The following GARRE1 variants were observed in gnomAD, a reference collection of about 807,000 sequenced individuals.
GARRE1 encodes the protein granule associated Rac and RHOG effector protein 1.
GARRE1 carries 49 observed loss-of-function variants against 103.2 expected under a neutral mutation model. The ratio of observed to expected loss-of-function variants is 0.47; its 90% CI spans 0.38 to 0.60. The LOEUF (loss-of-function observed/expected upper bound fraction) is 0.60. Among genes scored for constraint, GARRE1 ranks in the 20% least tolerant of loss-of-function variants. The pLI is 0.00. For synonymous variants in GARRE1, 505 were observed against 532.8 expected, an observed-to-expected ratio of 0.95 and a Z score of 0.72; for missense variants, 1,199 against 1,370.5, an observed-to-expected ratio of 0.87 and a Z score of 1.98.
intron 7 of GARRE1, among the ~76,000 whole-genome samples, chr19:34,331,972 T>C (rs935352677): frequency 2.0e-5 from 3 of 148,508 alleles, no homozygotes; most frequent in Non-Finnish European, 4.4e-5. Flanking sequence ...GCCTGGGTCA[T>C]AGAGTAAGAT....
chr19:34,269,888 T>A (rs2073776185), intron 1 of GARRE1, among the ~76,000 whole-genome samples: 1 of 152,242 alleles, frequency 6.6e-6, no homozygotes, highest in Non-Finnish European at 1.5e-5. Flanking sequence ...GCCATTTCTG[T>A]AGAATAGGCT....
At chr19:34,305,451 G>A (rs540182433) in intron 2 of GARRE1, among the ~76,000 whole-genome samples, 2 of 152,294 alleles carry the variant, frequency 1.3e-5, no homozygotes, top group Non-Finnish European at 2.9e-5. Context: ...ATGACATAGC[G>A]CTCTTAGCTT....
At chr19:34,260,498 C>T (rs908993679) in intron 1 of GARRE1, among the ~76,000 whole-genome samples, 1 of 151,892 alleles carries the variant, frequency 6.6e-6, no homozygotes, top group African/African-American at 2.4e-5. Flanking sequence ...ATCACCTTTT[C>T]TATGACAAGG....
chr19:34,337,065 T>TTTC (rs2074164385), intron 8 of GARRE1, among the ~76,000 whole-genome samples: 2 of 152,180 alleles, frequency 1.3e-5, no homozygotes, highest in South Asian at 4.2e-4. Context: ...TTTTTTTTTT[T>TTTC]TTCAAATTAC....
chr19:34,310,397 C>G (rs575838595), intron 2 of GARRE1, among the ~76,000 whole-genome samples: 101 of 152,358 alleles, frequency 6.6e-4, no homozygotes, highest in African/African-American at 2.4e-3. Context: ...CTGCCTCGGG[C>G]CAGTGCAGTC....
intron 1 of GARRE1, among the ~76,000 whole-genome samples, chr19:34,284,509 T>C (rs560310077): frequency 6.6e-6 from 1 of 152,344 alleles, no homozygotes; most frequent in South Asian, 2.1e-4. Context: ...TTTTAAATGA[T>C]ATAATTATGG....
intron 12 of GARRE1, among the ~76,000 whole-genome samples, chr19:34,349,710 G>C (rs1481567980): frequency 6.6e-6 from 1 of 152,180 alleles, no homozygotes; most frequent in African/African-American, 2.4e-5. Flanking sequence ...AAGGACCATG[G>C]GCAGGAGTAG....
intron 1 of GARRE1, among the ~76,000 whole-genome samples, chr19:34,260,878 A>G (rs540271979): frequency 6.6e-6 from 1 of 152,356 alleles, no homozygotes; most frequent in Admixed American, 6.5e-5. Flanking sequence ...TTAATTTTGT[A>G]TCCTCAGAAG....
chr19:34,264,633 T>C (rs1168541767), intron 1 of GARRE1, among the ~76,000 whole-genome samples: 8 of 152,104 alleles, frequency 5.3e-5, no homozygotes, highest in Admixed American at 1.3e-4. Flanking sequence ...CTCCTGACCT[T>C]GTGATCCGCC....
chr19:34,260,759 A>G (rs746793995), intron 1 of GARRE1, among the ~76,000 whole-genome samples: 28 of 152,234 alleles, frequency 1.8e-4, no homozygotes, highest in Non-Finnish European at 3.4e-4. Context: ...GATATTTCGT[A>G]AATGTAGTTT....
In GARRE1 at chr19:34,352,755, G is replaced by A; in HGVS notation, c.3013G>A (p.Gly1005Ser). ...ACCACTCTATGCAGTCACCAGCCCT[G>A]GCAGCCAGTGGAACGACACCATGCA... The part of the protein sequence containing the change: ...SAPLYAVTSP[G>S]SQWNDTMQML... Residue 1005 changes from glycine (G) to serine (S), a missense_variant, in exon 14 of 14, where the codon GGC becomes AGC. Physicochemically the swap from Gly to Ser is moderately conservative, Grantham distance 56. Transcript: ENST00000299505. 6.2e-7 allele frequency: 1 copy of A among 1,614,074 alleles called. No homozygotes were observed. The highest frequency in any genetic ancestry group is 8.5e-7 in the Non-Finnish European group (1 of 1,180,022).
At chr19:34,343,004 AG>A (rs1226579129) in intron 10 of GARRE1, among the ~76,000 whole-genome samples, 3 of 152,176 alleles carry the variant, frequency 2.0e-5, no homozygotes, top group Non-Finnish European at 2.9e-5. Flanking sequence ...GGAGGAATTA[AG>A]GGGGAAAAGC....
In GARRE1 at chr19:34,279,979, C is replaced by T. The variant is rs1282617368; in HGVS notation, c.-795-19700C>T. Among the ~76,000 whole-genome samples, 5 of 128,126 alleles carry T rather than the reference C, an allele frequency of 3.9e-5. 1 individual carries two copies. Among genetic ancestry groups the T allele is most frequent in the Non-Finnish European group, 7.8e-5 (5 of 64,168 alleles). The allele number at this position is 128,126 out of a possible 152,430, so 84.1% of individuals were successfully genotyped here. On this transcript the variant is annotated intron_variant, in intron 1 of 13. Transcript: ENST00000299505. The stretch of plus-strand genomic sequence containing the variant: ...CAGCCTGGGCGACAGAGCGAGACTC[C>T]GTCTCAAAAAAAAAAAAAAAAAAAA...
At chr19:34,263,469 T>G (rs1012803589) in intron 1 of GARRE1, among the ~76,000 whole-genome samples, 1 of 151,448 alleles carries the variant, frequency 6.6e-6, no homozygotes, top group Non-Finnish European at 1.5e-5. Flanking sequence ...TGTATATGTA[T>G]TTTCTTTTTT....
intron 9 of GARRE1, among the ~76,000 whole-genome samples, chr19:34,341,006 G>C (rs1442972061): frequency 1.3e-5 from 2 of 152,164 alleles, no homozygotes; most frequent in African/African-American, 4.8e-5. Flanking sequence ...GGACAACGTT[G>C]GCACATAGTA....
At chr19:34,297,805 T>A (rs2073955242) in intron 1 of GARRE1, among the ~76,000 whole-genome samples, 1 of 152,272 alleles carries the variant, frequency 6.6e-6, no homozygotes, top group African/African-American at 2.4e-5. Flanking sequence ...AGTAGCCATT[T>A]GATATTTGTT....
intron 1 of GARRE1, among the ~76,000 whole-genome samples, chr19:34,256,752 T>A (rs1242717953): frequency 6.6e-6 from 1 of 152,198 alleles, no homozygotes; most frequent in African/African-American, 2.4e-5. Context: ...ATATTTACAT[T>A]TTGTGTGTGC....
At chr19:34,262,846 G>C (rs757910239) in intron 1 of GARRE1, among the ~76,000 whole-genome samples, 3 of 152,156 alleles carry the variant, frequency 2.0e-5, no homozygotes, top group Non-Finnish European at 4.4e-5. Flanking sequence ...AACAATGTAT[G>C]TTTGCCCATT....
intron 10 of GARRE1, 33 bp from the exon 11 acceptor site, chr19:34,347,844 C>T (rs1168367803): frequency 6.8e-7 from 1 of 1,479,782 alleles, no homozygotes. Context: ...CAGTTTGTCC[C>T]CAAACCCGGT....
Sources: gnomAD v4.1 joint callset for allele counts (sites outside exome capture counted in the v4.1 genomes callset) on GRCh38, gnomAD v4.1.1 for gene constraint, MANE v1.5 for transcripts, NCBI Gene and HGNC (gene_info 2026-07-23, HGNC 2026-07-21) for gene names.